Variants in GAS7 observed in about 807,000 individuals in gnomAD.
GAS7 encodes growth arrest specific 7, also known as growth arrest-specific protein 7.
In GAS7, 28 loss-of-function variants were observed where a neutral mutation model predicts 71.1. The observed-to-expected ratio is 0.39, with a 90% confidence interval of 0.29 to 0.54. The LOEUF is 0.54. Among genes scored for constraint, GAS7 ranks in the 20% least tolerant of loss-of-function variants. GAS7 has a pLI of 0.62. For synonymous variants in GAS7, 258 were observed against 245.8 expected, an observed-to-expected ratio of 1.05 and a Z score of -0.46; for missense variants, 436 against 627.8, an observed-to-expected ratio of 0.69 and a Z score of 3.27.
At chr17:10,126,315 A>C (rs887407942) in intron 1 of GAS7, among the ~76,000 whole-genome samples, 1 of 146,384 alleles carries the variant, frequency 6.8e-6, no homozygotes, top group Non-Finnish European at 1.5e-5. Flanking sequence ...GAATGTGTGC[A>C]TGCCACACAC....
chr17:9,993,252 CCT>C (rs1342689856), intron 2 of GAS7, among the ~76,000 whole-genome samples: 1 of 152,040 alleles, frequency 6.6e-6, no homozygotes, highest in East Asian at 1.9e-4. Context: ...TTCTCCACAT[CCT>C]CTCCAGCACC....
chr17:10,128,678 G>A (rs566670178), intron 1 of GAS7, among the ~76,000 whole-genome samples: 13 of 150,306 alleles, frequency 8.6e-5, no homozygotes, highest in African/African-American at 2.4e-4. Context: ...GGAGTGCAGC[G>A]GCGTGATCTC....
rs965125978 is a variant in GAS7 at position 9,959,953 on chromosome 17, G to A, written c.472-698C>T. Among the ~76,000 whole-genome samples the A allele has an allele frequency of 1.3e-5, 2 of 152,116 alleles. No individual in the cohort carries two copies. The highest frequency in any genetic ancestry group is 6.5e-5 in the Admixed American group (1 of 15,278). On this transcript the variant is annotated intron_variant, in intron 4 of 13. Coordinates refer to ENST00000432992, the MANE Select transcript of GAS7 (RefSeq NM_201433.2). The surrounding 1 kb of genome is among the most constrained non-coding windows in gnomAD (Gnocchi z 5.0). ...GATCGTTCTGGCAGAGAAAATTAAG[G>A]ACTGCCAGTGCAAAATGCTACACGT...
chr17:10,175,965 T>C (rs1214086346), intron 1 of GAS7, among the ~76,000 whole-genome samples: 1 of 152,200 alleles, frequency 6.6e-6, no homozygotes, highest in African/African-American at 2.4e-5. Flanking sequence ...CCCCTCACTG[T>C]GCTGGGCACA....
chr17:9,938,874 T>C (rs2068496355), intron 8 of GAS7, among the ~76,000 whole-genome samples: 1 of 152,112 alleles, frequency 6.6e-6, no homozygotes, highest in Non-Finnish European at 1.5e-5. Context: ...TCATACACTA[T>C]GAGACCTTTT....
At chr17:10,178,353 C>T (rs1297732416) in intron 1 of GAS7, among the ~76,000 whole-genome samples, 1 of 152,102 alleles carries the variant, frequency 6.6e-6, no homozygotes, top group Non-Finnish European at 1.5e-5. Context: ...CCAAACTCGC[C>T]GCCCCCACCC....
chr17:10,079,442 TTATGTCTGATAAGAAATACTTACAA>T (rs1363599766), intron 1 of GAS7, among the ~76,000 whole-genome samples: 2 of 152,174 alleles, frequency 1.3e-5, no homozygotes, highest in Non-Finnish European at 2.9e-5. Flanking sequence ...AACACAGACC[TTATGTCTGATAAGAAATACTTACAA>T]CCTATTCTCT....
At chr17:9,987,876 C>A (rs1408840347) in intron 2 of GAS7, among the ~76,000 whole-genome samples, 1 of 152,244 alleles carries the variant, frequency 6.6e-6, no homozygotes, top group Non-Finnish European at 1.5e-5. Context: ...CCACAAGGAG[C>A]CCCTGGACCT....
rs565442209 is a variant in GAS7, at chr17:9,957,356, G to A, written c.525+1846C>T. 2.3e-4 allele frequency among the ~76,000 whole-genome samples: 35 copies of A among 152,274 alleles called. 1 individual carries two copies. Among genetic ancestry groups the A allele is most frequent in the Middle Eastern group, 6.8e-3 (2 of 294 alleles). On this transcript the variant is annotated intron_variant, in intron 5 of 13. Transcript: ENST00000432992. Reference sequence around the variant, plus strand: ...CGACAGGGAAGGCAGGGATGGGCGAGGTGTGCTGCCCATCAGGGGCCCAAC... The same window carrying A: ...CGACAGGGAAGGCAGGGATGGGCGAAGTGTGCTGCCCATCAGGGGCCCAAC...
At chr17:10,060,427 T>G (rs2073207533) in intron 1 of GAS7, among the ~76,000 whole-genome samples, 1 of 152,054 alleles carries the variant, frequency 6.6e-6, no homozygotes. Context: ...TTTTCTACAT[T>G]CCTCTTGGAT....
chr17:9,998,695 A>AG (rs1597647636), intron 2 of GAS7, among the ~76,000 whole-genome samples: 1 of 152,032 alleles, frequency 6.6e-6, no homozygotes, highest in East Asian at 1.9e-4. Flanking sequence ...GAAAAGGAAA[A>AG]GGAAAAGGGA....
At chr17:9,989,894 C>T (rs1056958417) in intron 2 of GAS7, among the ~76,000 whole-genome samples, 1 of 152,190 alleles carries the variant, frequency 6.6e-6, no homozygotes, top group African/African-American at 2.4e-5. Context: ...GCCTCAGGTT[C>T]CCCCATGAGC....
At chr17:10,145,117 C>T (rs9894793) in intron 1 of GAS7, among the ~76,000 whole-genome samples, 10,446 of 152,308 alleles carry the variant, frequency 0.069, 488 homozygotes, top group East Asian at 0.16. Context: ...CAGAAATCCA[C>T]AGCCCCACAC....
intron 1 of GAS7, among the ~76,000 whole-genome samples, chr17:10,058,106 A>G (rs975832962): frequency 1.3e-5 from 2 of 152,188 alleles, no homozygotes; most frequent in African/African-American, 2.4e-5. Flanking sequence ...GGACACAAAC[A>G]CTGCGGAAGG....
In GAS7 at chr17:9,918,297, G is replaced by GA. The variant is rs61532416; in HGVS notation, c.1219-199dup. The stretch of plus-strand genomic sequence containing the variant: ...AGCAGCAGCGGCTGTTTTACTTCCT[G>GA]AAATCCTGCTCCGCCACGCACAGTG... On this transcript the variant is annotated intron_variant, in intron 12 of 13. Coordinates refer to ENST00000432992, the MANE Select transcript of GAS7 (RefSeq NM_201433.2). 0.84 allele frequency among the ~76,000 whole-genome samples: 127,461 copies of GA among 151,808 alleles called. 53,757 individuals carry two copies. Among genetic ancestry groups the GA allele is most frequent in the African/African-American group, 0.92 (38,095 of 41,426 alleles).
chr17:10,005,194 C>A (rs1454466325), intron 2 of GAS7, among the ~76,000 whole-genome samples: 22 of 148,828 alleles, frequency 1.5e-4, no homozygotes, highest in African/African-American at 5.3e-4. Flanking sequence ...TATGTGCACG[C>A]ATGCATGTGT....
chr17:9,993,463 T>C (rs1416390155), intron 2 of GAS7, among the ~76,000 whole-genome samples: 1 of 152,234 alleles, frequency 6.6e-6, no homozygotes, highest in Non-Finnish European at 1.5e-5. Context: ...GAAAAGGCCT[T>C]TGACAAAATT....
intron 6 of GAS7, among the ~76,000 whole-genome samples, chr17:9,946,693 T>C (rs1157172054): frequency 1.3e-5 from 2 of 152,238 alleles, no homozygotes; most frequent in East Asian, 3.8e-4. Flanking sequence ...AAAGTCCTGC[T>C]GAACCCCTGA....
intron 1 of GAS7, among the ~76,000 whole-genome samples, chr17:10,081,019 C>A (rs528785152): frequency 1.3e-5 from 2 of 152,288 alleles, no homozygotes; most frequent in Admixed American, 6.5e-5. Context: ...ACAGGCTCCT[C>A]AGAAAAAGAG....
Sources: allele counts gnomAD v4.1 joint callset (sites outside exome capture counted in the v4.1 genomes callset), GRCh38; gene constraint gnomAD v4.1.1; non-coding constraint Gnocchi (gnomAD v3.1); transcripts MANE v1.5; gene names NCBI Gene and HGNC (gene_info 2026-07-23, HGNC 2026-07-21).